Variants in PTPRQ observed in about 807,000 individuals in gnomAD.
The protein encoded by PTPRQ is phosphatidylinositol phosphatase PTPRQ.
In PTPRQ, 199 loss-of-function variants were observed where a neutral mutation model predicts 246.0. The ratio of observed to expected loss-of-function variants is 0.81; its 90% CI spans 0.72 to 0.91. The LOEUF (loss-of-function observed/expected upper bound fraction) is 0.91, where lower values mean the gene tolerates loss of function less well. PTPRQ is among the 40% of genes least tolerant of loss of function. PTPRQ has a pLI of 0.00. For synonymous variants in PTPRQ, 869 were observed against 853.2 expected (o/e 1.02, Z -0.32); for missense variants, 2,624 against 2,528.4 (o/e 1.04, Z -0.81).
intron 25 of PTPRQ, among the ~76,000 whole-genome samples, chr12:80,584,948 A>C (rs980842116): frequency 6.6e-6 from 1 of 151,946 alleles, no homozygotes; most frequent in African/African-American, 2.4e-5. Context: ...AAGATAAAAC[A>C]GAATGTGTTG....
At chr12:80,517,818 T>C (rs1169791146) in intron 17 of PTPRQ, among the ~76,000 whole-genome samples, 3 of 152,176 alleles carry the variant, frequency 2.0e-5, no homozygotes, top group Non-Finnish European at 4.4e-5. Flanking sequence ...ATCTCATTCT[T>C]TTTTATTGCT....
In PTPRQ at chr12:80,484,487, G is replaced by C; in HGVS notation, c.1241G>C (p.Arg414Thr). ...GCAGAGGTAGAATCCACGCAAGTAA[G>C]AATTACTTGGAAGAAACCACGACAA... ...QLAEVESTQV[R>T]ITWKKPRQPN... The change falls in exon 9 of 45, where the codon AGA becomes ACA. Residue 414 changes from arginine (R) to threonine (T), a missense_variant. Physicochemically the swap from Arg to Thr is moderately conservative, Grantham distance 71. Transcript: ENST00000644991. 6.4e-6 allele frequency: 10 copies of C among 1,550,882 alleles called. No homozygotes were observed. Among genetic ancestry groups the C allele is most frequent in the Non-Finnish European group, 8.7e-6 (10 of 1,146,682 alleles).
chr12:80,562,751 G>A (rs1309976515), intron 25 of PTPRQ, among the ~76,000 whole-genome samples: 4 of 152,084 alleles, frequency 2.6e-5, no homozygotes, highest in Non-Finnish European at 5.9e-5. Flanking sequence ...TCCAAACCAT[G>A]CAGAAGGCAG....
At chr12:80,540,672 G>T (rs1896124959) in intron 20 of PTPRQ, among the ~76,000 whole-genome samples, 1 of 152,048 alleles carries the variant, frequency 6.6e-6, no homozygotes, top group African/African-American at 2.4e-5. Context: ...CATGAGAAGT[G>T]AATGCTTGAT....
intron 17 of PTPRQ, among the ~76,000 whole-genome samples, chr12:80,528,373 G>T (rs1338448946): frequency 6.6e-6 from 1 of 152,048 alleles, no homozygotes; most frequent in Non-Finnish European, 1.5e-5. Context: ...TTATGTCTTT[G>T]TCACCTTCAT....
intron 25 of PTPRQ, among the ~76,000 whole-genome samples, chr12:80,566,246 G>A (rs1896975106): frequency 6.6e-6 from 1 of 152,278 alleles, no homozygotes; most frequent in South Asian, 2.1e-4. Flanking sequence ...GGGAGGCCGA[G>A]GCAGGTGGAT....
At chr12:80,490,078 T>C (rs1894398523) in intron 9 of PTPRQ, among the ~76,000 whole-genome samples, 1 of 151,874 alleles carries the variant, frequency 6.6e-6, no homozygotes, top group African/African-American at 2.4e-5. Context: ...TTGAGATAGG[T>C]TTATTTTATT....
rs1048009311 is a variant in PTPRQ at position 80,479,246 on chromosome 12, T to G, written c.1187-5187T>G. On this transcript the variant is annotated intron_variant, in intron 8 of 44. Transcript: ENST00000644991. ...TCAACATTCTTAAAGAAAAGAATTT[T>G]CAACCCAGAATTTCATATCCAGCCA... is the stretch of plus-strand genomic sequence containing the variant. 1.4e-3 allele frequency among the ~76,000 whole-genome samples: 207 copies of G among 148,806 alleles called. 2 individuals are homozygous for G. In the South Asian group the frequency reaches 0.035, roughly 25 times the overall value.
chr12:80,495,978 G>C (rs1197889370), intron 12 of PTPRQ, 21 bp from the exon 13 acceptor site: 1 of 1,543,394 alleles, frequency 6.5e-7, no homozygotes, highest in East Asian at 2.4e-5. Context: ...ACATTAAACA[G>C]TTTGTCTCTT....
intron 25 of PTPRQ, among the ~76,000 whole-genome samples, chr12:80,571,054 C>T (rs1257441300): frequency 2.0e-5 from 3 of 152,128 alleles, no homozygotes; most frequent in Non-Finnish European, 4.4e-5. Context: ...TAAGGATTGT[C>T]TTTGCTATGT....
chr12:80,648,597 A>T (rs1900154626), intron 35 of PTPRQ, among the ~76,000 whole-genome samples: 1 of 152,120 alleles, frequency 6.6e-6, no homozygotes, highest in South Asian at 2.1e-4. Context: ...TTAAAAAGTG[A>T]TCTATTTTTA....
chr12:80,629,049 A>G (rs186779376), intron 33 of PTPRQ, among the ~76,000 whole-genome samples: 40 of 152,104 alleles, frequency 2.6e-4, no homozygotes, highest in East Asian at 1.6e-3. Flanking sequence ...TCTGGCTTAC[A>G]GATGGTTGCC....
intron 37 of PTPRQ, among the ~76,000 whole-genome samples, chr12:80,652,072 T>A (rs1183484324): frequency 7.2e-5 from 11 of 152,104 alleles, no homozygotes; most frequent in Non-Finnish European, 1.2e-4. Flanking sequence ...TTCACACATG[T>A]AAATTTTCAG....
chr12:80,584,410 C>T (rs564510411), intron 25 of PTPRQ, among the ~76,000 whole-genome samples: 18 of 152,274 alleles, frequency 1.2e-4, no homozygotes, highest in African/African-American at 1.7e-4. Context: ...CACCTAATTT[C>T]GTCTTTCCTG....
At chr12:80,650,282 T>G (rs1269266599) in intron 37 of PTPRQ, among the ~76,000 whole-genome samples, 1 of 151,668 alleles carries the variant, frequency 6.6e-6, no homozygotes, top group African/African-American at 2.4e-5. Context: ...AATTAAGAAT[T>G]TGTCACTTTA....
Position 80,546,612 on chromosome 12 carries a change from C to T in PTPRQ, c.3930C>T (p.Thr1310=), listed in dbSNP as rs138672969. The change falls in exon 24 of 45, where the codon ACC becomes ACT. Residue 1310 remains threonine, a synonymous_variant. Transcript: ENST00000644991. ...TTGTTGGACTGGAACCAGTCAGCAC[C>T]TACTCTATCCGTGTATCTGCGTTCA... ...AKLVGLEPVS[T]YSIRVSAFTK... is the part of the protein sequence containing the mutation. The T allele has an allele frequency of 5.8e-6, 9 of 1,551,228 alleles. No individual in the cohort carries two copies. The East Asian group carries it at 2.2e-4, about 38-fold the overall frequency.
chr12:80,673,579 A>C (rs925183247), intron 43 of PTPRQ, among the ~76,000 whole-genome samples: 2 of 152,168 alleles, frequency 1.3e-5, no homozygotes, highest in Non-Finnish European at 2.9e-5. Context: ...AAATTGATTT[A>C]TCTTTATCGT....
intron 31 of PTPRQ, 55 bp downstream of exon 31, chr12:80,619,597 G>T (rs1467164780): frequency 1.4e-5 from 18 of 1,327,294 alleles, no homozygotes; most frequent in Non-Finnish European, 1.7e-5. Context: ...ATTACTGAGT[G>T]CTAAAAAGAA....
intron 41 of PTPRQ, 22 bp downstream of exon 41, chr12:80,669,486 G>A (rs760038599): frequency 2.6e-6 from 4 of 1,530,298 alleles, no homozygotes; most frequent in South Asian, 2.5e-5. Flanking sequence ...AGGGGGGGAC[G>A]AGAGAACATG....
Sources: allele counts gnomAD v4.1 joint callset (sites outside exome capture counted in the v4.1 genomes callset), GRCh38; gene constraint gnomAD v4.1.1; transcripts MANE v1.5; gene names NCBI Gene and HGNC (gene_info 2026-07-23, HGNC 2026-07-21).